The following KHDRBS2 variants were observed in gnomAD, a reference collection of about 807,000 sequenced individuals.
KHDRBS2 encodes KH domain-containing, RNA-binding, signal transduction-associated protein 2.
A neutral mutation model predicts 44.3 loss-of-function variants in KHDRBS2; 26 were observed. That is an observed-to-expected ratio of 0.59 (90% CI 0.43 to 0.81). The LOEUF (loss-of-function observed/expected upper bound fraction) is 0.81. KHDRBS2 is among the 40% of genes least tolerant of loss of function. KHDRBS2 has a pLI of 0.00. For missense variants in KHDRBS2, 476 were observed against 433.1 expected (o/e 1.10, Z -0.88); for synonymous variants, 194 against 151.1 (o/e 1.28, Z -2.08).
At chr6:61,706,299 C>T (rs1380420044) in intron 7 of KHDRBS2, among the ~76,000 whole-genome samples, 1 of 151,798 alleles carries the variant, frequency 6.6e-6, no homozygotes, top group Admixed American at 6.6e-5. Context: ...TACCACTTTC[C>T]TTGACTCTTC....
intron 6 of KHDRBS2, among the ~76,000 whole-genome samples, chr6:61,766,061 C>T (rs1779965967): frequency 6.6e-6 from 1 of 151,386 alleles, no homozygotes; most frequent in South Asian, 2.1e-4. Context: ...GGTGTTAGTT[C>T]TTCTTTAAAT....
At chr6:61,790,544 A>G (rs1784479312) in intron 6 of KHDRBS2, among the ~76,000 whole-genome samples, 1 of 151,546 alleles carries the variant, frequency 6.6e-6, no homozygotes, top group South Asian at 2.1e-4. Context: ...GTTAAAGAAA[A>G]ATCACTTACT....
the KHDRBS2 span, among the ~76,000 whole-genome samples, chr6:61,556,672 A>G: frequency 6.6e-6 from 1 of 152,198 alleles, no homozygotes; most frequent in African/African-American, 2.4e-5. Context: ...TTAACCAAAA[A>G]AGAACCTAAT....
At chr6:62,160,191 G>A (rs1256077716) in intron 2 of KHDRBS2, among the ~76,000 whole-genome samples, 4 of 152,032 alleles carry the variant, frequency 2.6e-5, no homozygotes, top group African/African-American at 2.4e-5. Context: ...ATTCTGACAT[G>A]AAGAGACCAT....
At chr6:62,247,839 AG>A (rs1835866233) in intron 1 of KHDRBS2, among the ~76,000 whole-genome samples, 3 of 152,144 alleles carry the variant, frequency 2.0e-5, no homozygotes, top group Non-Finnish European at 4.4e-5. Context: ...AAAAGGCCAT[AG>A]GTAGGTATTT....
chr6:61,543,794 T>C, the KHDRBS2 span, among the ~76,000 whole-genome samples: 1 of 152,174 alleles, frequency 6.6e-6, no homozygotes, highest in East Asian at 1.9e-4. Context: ...ATCTTGTCGT[T>C]TGCAATACCA....
intron 3 of KHDRBS2, among the ~76,000 whole-genome samples, chr6:61,978,413 T>C (rs776120231): frequency 3.9e-5 from 6 of 152,062 alleles, no homozygotes; most frequent in Non-Finnish European, 5.9e-5. Flanking sequence ...AGTGTTTGAA[T>C]GATTTTAAAA....
chr6:61,985,412 G>C (rs1774865783), intron 3 of KHDRBS2, among the ~76,000 whole-genome samples: 1 of 152,120 alleles, frequency 6.6e-6, no homozygotes, highest in Non-Finnish European at 1.5e-5. Flanking sequence ...CAAGAGCCTT[G>C]ACCAGAAGTT....
chr6:62,182,237 TTTATATATG>T, intron 1 of KHDRBS2, among the ~76,000 whole-genome samples: 1 of 152,022 alleles, frequency 6.6e-6, no homozygotes, highest in Non-Finnish European at 1.5e-5. Flanking sequence ...AGACCATAAA[TTTATATATG>T]AGGAATCTAC....
chr6:61,566,775 G>T, the KHDRBS2 span, among the ~76,000 whole-genome samples: 2 of 152,066 alleles, frequency 1.3e-5, no homozygotes, highest in Non-Finnish European at 2.9e-5. Context: ...GGATCTAAGG[G>T]CCACAGATCC....
At chr6:61,651,279 T>G in the KHDRBS2 span, among the ~76,000 whole-genome samples, 2 of 152,080 alleles carry the variant, frequency 1.3e-5, no homozygotes, top group Non-Finnish European at 2.9e-5. Flanking sequence ...TTTTAGATTT[T>G]GGAATATTTG....
chr6:61,956,875 G>A (rs4710600), intron 4 of KHDRBS2, among the ~76,000 whole-genome samples: 47,326 of 151,180 alleles, frequency 0.31, 8,033 homozygotes, highest in East Asian at 0.4. Context: ...AGCACCTTAT[G>A]CATAGCAAAC....
Position 61,806,582 on chromosome 6 carries a change from A to AT in KHDRBS2, c.811-73819dup, listed in dbSNP as rs367817620. Among the ~76,000 whole-genome samples the AT allele has an allele frequency of 2.2e-3, 340 of 152,242 alleles. 2 individuals are homozygous for AT. Among genetic ancestry groups the AT allele is most frequent in the African/African-American group, 8.0e-3 (331 of 41,546 alleles). On this transcript the variant is annotated intron_variant, in intron 6 of 8. Transcript: ENST00000281156. ...ACTTCATTTAAAATGAAGCAATATA[A>AT]TTACTTTTTAAAAATGTGTTTTAAT...
intron 6 of KHDRBS2, among the ~76,000 whole-genome samples, chr6:61,859,889 A>C (rs933507022): frequency 2.0e-5 from 3 of 152,036 alleles, no homozygotes; most frequent in Non-Finnish European, 4.4e-5. Flanking sequence ...AGGAATTCAA[A>C]TATCATATTA....
chr6:61,813,921 C>A (rs1048965501), intron 6 of KHDRBS2: 3 of 455,820 alleles, frequency 6.6e-6, no homozygotes, highest in African/African-American at 6.0e-5. Flanking sequence ...CTTTTACTTA[C>A]CTCTTATTAT....
chr6:62,038,078 C>G (rs528398174), intron 3 of KHDRBS2, among the ~76,000 whole-genome samples: 1 of 152,006 alleles, frequency 6.6e-6, no homozygotes, highest in African/African-American at 2.4e-5. Flanking sequence ...CTCAGAGGCA[C>G]TATTCACATG....
intron 4 of KHDRBS2, among the ~76,000 whole-genome samples, chr6:61,957,158 C>T (rs1583782537): frequency 1.3e-5 from 2 of 152,162 alleles, no homozygotes; most frequent in East Asian, 3.8e-4. Context: ...GTTTCCTATG[C>T]CTGTCCTTAC....
chr6:61,716,611 A>G (rs1474493475), intron 7 of KHDRBS2, among the ~76,000 whole-genome samples: 5 of 152,002 alleles, frequency 3.3e-5, no homozygotes, highest in Non-Finnish European at 7.4e-5. Flanking sequence ...TGAAAAAACG[A>G]TAGTCGCTTT....
intron 1 of KHDRBS2, among the ~76,000 whole-genome samples, chr6:62,182,296 G>T (rs548103736): frequency 6.6e-6 from 1 of 151,916 alleles, no homozygotes; most frequent in Non-Finnish European, 1.5e-5. Context: ...TGGTGATGAC[G>T]GGGACTGAGA....
Sources: allele counts gnomAD v4.1 joint callset (sites outside exome capture counted in the v4.1 genomes callset), GRCh38; gene constraint gnomAD v4.1.1; transcripts MANE v1.5; gene names NCBI Gene and HGNC (gene_info 2026-07-23, HGNC 2026-07-21).